The following ARHGAP22 variants were observed in gnomAD, a reference collection of about 807,000 sequenced individuals.
ARHGAP22 encodes the protein rho GTPase-activating protein 22.
Under a neutral mutation model 59.1 loss-of-function variants are expected in ARHGAP22, and 48 were observed. The ratio of observed to expected loss-of-function variants is 0.81; its 90% CI spans 0.64 to 1.03. The LOEUF (loss-of-function observed/expected upper bound fraction) is 1.03. Ranked by LOEUF, ARHGAP22 falls within the 50% of genes least tolerant of loss-of-function variation. The probability of loss-of-function intolerance (pLI) is 0.00; values close to 1 mark genes in which losing one functional copy is unlikely to be tolerated. For missense variants in ARHGAP22, 1,015 were observed against 958.7 expected (o/e 1.06, Z -0.78); for synonymous variants, 445 against 416.4 (o/e 1.07, Z -0.84).
chr10:48,517,750 G>A (rs1180195554), intron 3 of ARHGAP22, among the ~76,000 whole-genome samples: 1 of 152,194 alleles, frequency 6.6e-6, no homozygotes, highest in Non-Finnish European at 1.5e-5. Context: ...GGGGTGCCGG[G>A]ACTTCTCGTG....
At chr10:48,559,290 A>G (rs1431775121) in intron 2 of ARHGAP22, among the ~76,000 whole-genome samples, 1 of 152,102 alleles carries the variant, frequency 6.6e-6, no homozygotes, top group African/African-American at 2.4e-5. Context: ...GATTTCCACA[A>G]ATGTTGGGCC....
intron 3 of ARHGAP22, among the ~76,000 whole-genome samples, chr10:48,506,025 G>A (rs923651566): frequency 6.6e-6 from 1 of 152,152 alleles, no homozygotes; most frequent in Non-Finnish European, 1.5e-5. Flanking sequence ...TGGCCACCAC[G>A]TATCTCTCAC....
chr10:48,450,327 C>T lies in ARHGAP22; in HGVS notation c.1802G>A (p.Gly601Glu). The part of the protein sequence containing the change: ...EHARRSEALQ[G>E]LVTELRAELC... ...CTCGGCCCTGAGCTCAGTGACCAGC[C>T]CCTGTAAGGCCTCGGAGCGGCGCGC... is the stretch of plus-strand genomic sequence containing the variant. The change falls in exon 9 of 10, where the codon GGG (glycine) becomes GAG (glutamate). Residue 601 changes from glycine (G) to glutamate (E), a missense_variant. Physicochemically the swap from Gly to Glu is moderately conservative, Grantham distance 98. Coordinates refer to ENST00000249601, the MANE Select transcript of ARHGAP22 (RefSeq NM_021226.4). The T allele has an allele frequency of 2.5e-6, 4 of 1,603,852 alleles. No individual in the cohort carries two copies. Among genetic ancestry groups the T allele is most frequent in the Non-Finnish European group, 3.4e-6 (4 of 1,175,818 alleles).
intron 3 of ARHGAP22, among the ~76,000 whole-genome samples, chr10:48,500,126 C>T (rs1372492369): frequency 6.6e-6 from 1 of 152,116 alleles, no homozygotes; most frequent in Non-Finnish European, 1.5e-5. Flanking sequence ...CTGTTTGAGG[C>T]TAGGAGTTCC....
At chr10:48,646,482 T>G (rs1241497997) in intron 1 of ARHGAP22, among the ~76,000 whole-genome samples, 9 of 152,204 alleles carry the variant, frequency 5.9e-5, no homozygotes, top group African/African-American at 2.2e-4. Flanking sequence ...CAAGGATAGG[T>G]CTACAGGTCA....
At chr10:48,436,542 G>A in the ARHGAP22 span, 1 of 152,182 alleles carries the variant, frequency 6.6e-6, no homozygotes, top group East Asian at 1.9e-4. Flanking sequence ...AAGCAACAAG[G>A]TTCTAGGCAG....
intron 3 of ARHGAP22, among the ~76,000 whole-genome samples, chr10:48,511,785 G>T (rs1035731385): frequency 3.9e-5 from 6 of 152,230 alleles, no homozygotes; most frequent in Non-Finnish European, 7.3e-5. Flanking sequence ...GGGTTGCCTG[G>T]TCCTGAATGG....
At chr10:48,441,136 T>G (rs765516335), downstream of ARHGAP22, among the ~76,000 whole-genome samples, 1 of 152,228 alleles carries the variant, frequency 6.6e-6, no homozygotes, top group Non-Finnish European at 1.5e-5. Context: ...CTCCCTCACC[T>G]GCCTGTAGAC....
At chr10:48,597,253 T>A (rs1442925223) in intron 1 of ARHGAP22, among the ~76,000 whole-genome samples, 1 of 152,102 alleles carries the variant, frequency 6.6e-6, no homozygotes, top group Non-Finnish European at 1.5e-5. Context: ...ACTTTGTGCC[T>A]CTGTAGATGA....
At chr10:48,598,321 G>A (rs985723605) in intron 1 of ARHGAP22, among the ~76,000 whole-genome samples, 3 of 152,206 alleles carry the variant, frequency 2.0e-5, no homozygotes, top group Admixed American at 6.5e-5. Flanking sequence ...ACCTCAGGCA[G>A]CAACAGATGG....
At chr10:48,479,484 T>A in intron 4 of ARHGAP22, 152 bp downstream of exon 4, 1 of 1,429,646 alleles carries the variant, frequency 7.0e-7, no homozygotes, top group Non-Finnish European at 9.4e-7. Flanking sequence ...TCCCGAGGGC[T>A]GGCAGTGGAA....
chr10:48,456,776 C>G (rs371928424), intron 5 of ARHGAP22, among the ~76,000 whole-genome samples: 1 of 152,142 alleles, frequency 6.6e-6, no homozygotes, highest in East Asian at 1.9e-4. Context: ...ACCCCCTATC[C>G]GCTCAGTACC....
intron 3 of ARHGAP22, among the ~76,000 whole-genome samples, chr10:48,505,276 A>C (rs1225344493): frequency 6.6e-6 from 1 of 152,046 alleles, no homozygotes; most frequent in East Asian, 1.9e-4. Flanking sequence ...GCTGGTCTCG[A>C]ACTCCTGATT....
At chr10:48,641,464 CCAG>C (rs1416939346) in intron 1 of ARHGAP22, among the ~76,000 whole-genome samples, 1 of 152,102 alleles carries the variant, frequency 6.6e-6, no homozygotes, top group Non-Finnish European at 1.5e-5. Context: ...TAAATGTAAT[CCAG>C]CATATAAACA....
intron 1 of ARHGAP22, among the ~76,000 whole-genome samples, chr10:48,611,024 A>G (rs1274380616): frequency 6.6e-6 from 1 of 152,256 alleles, no homozygotes; most frequent in African/African-American, 2.4e-5. Flanking sequence ...TGTTGGATTC[A>G]TGGAAATACT....
intron 3 of ARHGAP22, among the ~76,000 whole-genome samples, chr10:48,550,763 C>CA (rs1014075019): frequency 6.6e-6 from 1 of 152,164 alleles, no homozygotes; most frequent in East Asian, 1.9e-4. Context: ...TACCCTAATA[C>CA]AAAAAAGCTA....
chr10:48,612,886 C>T (rs919931709), intron 1 of ARHGAP22, among the ~76,000 whole-genome samples: 1 of 152,220 alleles, frequency 6.6e-6, no homozygotes, highest in Non-Finnish European at 1.5e-5. Flanking sequence ...TTCCCTATCT[C>T]CCCAGTTATA....
At chr10:48,544,429 T>C (rs12412164) in intron 3 of ARHGAP22, among the ~76,000 whole-genome samples, 29,264 of 151,950 alleles carry the variant, frequency 0.19, 3,257 homozygotes, top group Non-Finnish European at 0.25. Context: ...CTTGCTTCTT[T>C]CATTTTTGCC....
chr10:48,433,045 G>A, the ARHGAP22 span, among the ~76,000 whole-genome samples: 1 of 151,964 alleles, frequency 6.6e-6, no homozygotes, highest in South Asian at 2.1e-4. Context: ...CTTTGTTTTG[G>A]TTTGGCTAAT....
Sources: allele counts gnomAD v4.1 joint callset (sites outside exome capture counted in the v4.1 genomes callset), GRCh38; gene constraint gnomAD v4.1.1; transcripts MANE v1.5; gene names NCBI Gene and HGNC (gene_info 2026-07-23, HGNC 2026-07-21).